The following HDLBP variants were observed in gnomAD, a reference collection of about 807,000 sequenced individuals.
The protein encoded by HDLBP is vigilin.
Under a neutral mutation model 137.3 loss-of-function variants are expected in HDLBP, and 30 were observed. That is an observed-to-expected ratio of 0.22 (90% CI 0.16 to 0.30). The LOEUF is 0.30. Among genes scored for constraint, HDLBP ranks in the 10% least tolerant of loss-of-function variants. HDLBP has a pLI of 1.00. For missense variants in HDLBP, 1,119 were observed against 1,667.3 expected, an observed-to-expected ratio of 0.67 and a Z score of 5.73; for synonymous variants, 606 against 596.0, an observed-to-expected ratio of 1.02 and a Z score of -0.24.
rs760042773 is a variant in HDLBP, at chr2:241,229,797, C to T, written c.3720+36G>A. On this transcript the variant is annotated intron_variant, in intron 27 of 27. Transcript: ENST00000310931. ...CCAAGCCCGCCTGCCCGCCCACCCT[C>T]CCTGGGACCCAGGAGGGCAGAAGCC... 1.0e-5 allele frequency: 16 copies of T among 1,556,248 alleles called. No individual in the cohort carries two copies. The South Asian group carries it at 1.5e-4, about 15-fold the overall frequency.
At chr2:241,307,459 GT>G (rs2075619651) in intron 1 of HDLBP, among the ~76,000 whole-genome samples, 1 of 152,124 alleles carries the variant, frequency 6.6e-6, no homozygotes, top group African/African-American at 2.4e-5. Flanking sequence ...ACGAATAATG[GT>G]TTAATTAACA....
chr2:241,284,434 G>A (rs2074729524), intron 1 of HDLBP, among the ~76,000 whole-genome samples: 1 of 152,206 alleles, frequency 6.6e-6, no homozygotes, highest in East Asian at 1.9e-4. Context: ...ATGATAAAAC[G>A]TGAACAGATG....
chr2:241,297,279 C>G (rs946630323), intron 1 of HDLBP, among the ~76,000 whole-genome samples: 12 of 152,034 alleles, frequency 7.9e-5, no homozygotes, highest in African/African-American at 2.9e-4. Flanking sequence ...GCAGGAAGGT[C>G]AACAAGAGGA....
chr2:241,255,932 C>A (rs74664422), intron 7 of HDLBP, among the ~76,000 whole-genome samples: 1 of 152,190 alleles, frequency 6.6e-6, no homozygotes, highest in Non-Finnish European at 1.5e-5. Context: ...GCATCTGACC[C>A]GGGGCAGCCC....
chr2:241,236,657 A>G lies in HDLBP; in HGVS notation c.2862T>C (p.Ser954=). ...CAGCCTCACACTTTTCTTTCCGGCC[A>G]GAGATGATGATGATGTCACACCTCC... is the stretch of plus-strand genomic sequence containing the variant. ...SPRRCDIIII[S]GRKEKCEAAK... is the part of the protein sequence containing the mutation. Residue 954 remains serine (S), a synonymous_variant, in exon 21 of 28, where the codon TCT becomes TCC. Transcript: ENST00000310931. The G allele has an allele frequency of 1.9e-6, 3 of 1,614,110 alleles. No individual in the cohort carries two copies. Among genetic ancestry groups the G allele is most frequent in the Non-Finnish European group, 2.5e-6 (3 of 1,179,990 alleles).
chr2:241,308,009 C>A (rs1300674410), intron 1 of HDLBP, among the ~76,000 whole-genome samples: 1 of 152,074 alleles, frequency 6.6e-6, no homozygotes, highest in Non-Finnish European at 1.5e-5. Context: ...TAGATATTGC[C>A]AAGGTAAAAC....
At chr2:241,280,736 T>C (rs369667818) in intron 1 of HDLBP, among the ~76,000 whole-genome samples, 3 of 152,210 alleles carry the variant, frequency 2.0e-5, no homozygotes, top group African/African-American at 4.8e-5. Flanking sequence ...CCTTGGCTAG[T>C]TGTTTAAGCT....
At chr2:241,241,944 T>C (rs891736180) in intron 17 of HDLBP, among the ~76,000 whole-genome samples, 1 of 152,128 alleles carries the variant, frequency 6.6e-6, no homozygotes, top group East Asian at 1.9e-4. Flanking sequence ...TTCCTACAAA[T>C]TGACAGGCTG....
In HDLBP at chr2:241,229,473, G is replaced by A; in HGVS notation, c.*128C>T. On this transcript the variant is annotated 3_prime_UTR_variant, in exon 28 of 28. Coordinates refer to ENST00000310931, the MANE Select transcript of HDLBP (RefSeq NM_005336.6). ...ACAGCCAGGCGCTAGGCTCCCTGCG[G>A]GACCTCGGGAAGGGGGAAGAGCGTC... 1.4e-6 allele frequency: 1 copy of A among 705,784 alleles called. No homozygotes were observed. Among genetic ancestry groups the A allele is most frequent in the South Asian group, 1.8e-5 (1 of 54,724 alleles). 43.7% of individuals were successfully genotyped at this position (705,784 alleles called of 1,614,324 possible). A position where few individuals can be genotyped will look rare whatever the true frequency, so the allele number is the denominator to read the frequency against.
chr2:241,247,652 A>ATGAC (rs1185126985), intron 14 of HDLBP, among the ~76,000 whole-genome samples: 1 of 152,200 alleles, frequency 6.6e-6, no homozygotes, highest in Non-Finnish European at 1.5e-5. Context: ...AAATCAGTAT[A>ATGAC]TGACTCCTCA....
chr2:241,239,376 CTT>C lies in HDLBP; in HGVS notation c.2610+224_2610+225del, dbSNP rs928760320. On this transcript the variant is annotated intron_variant, in intron 19 of 27. Coordinates refer to ENST00000310931, the MANE Select transcript of HDLBP (RefSeq NM_005336.6). The surrounding 1 kb of genome is among the most constrained non-coding windows in gnomAD (Gnocchi z 4.6). ...CCTCTCCTCTTCTCCTTCTCTCTCT[CTT>C]TTTTTTTTTAAGTGCTTCTCGCAGG... Among the ~76,000 whole-genome samples the C allele has an allele frequency of 6.8e-6, 1 of 147,742 alleles. No individual in the cohort carries two copies. The highest frequency in any genetic ancestry group is 1.5e-5 in the Non-Finnish European group (1 of 66,620).
intron 1 of HDLBP, among the ~76,000 whole-genome samples, chr2:241,294,502 C>T (rs1281749078): frequency 6.6e-6 from 1 of 151,958 alleles, no homozygotes. Context: ...GCTCTGCTGC[C>T]CAGGCTGCAG....
Position 241,246,628 on chromosome 2 carries a change from G to T in HDLBP, c.1950+124C>A, listed in dbSNP as rs1054694449. The stretch of plus-strand genomic sequence containing the variant: ...AACTCATCAGTAGCCTGGATTGAAA[G>T]GTGCAATCTTCCACATCAGCCTGCG... On this transcript the variant is annotated intron_variant, in intron 16 of 27. Coordinates refer to ENST00000310931, the MANE Select transcript of HDLBP (RefSeq NM_005336.6). 1.3e-5 allele frequency: 12 copies of T among 918,154 alleles called. No homozygotes were observed. The African/African-American group carries it at 1.7e-4, about 13-fold the overall frequency. 56.9% of individuals were successfully genotyped at this position (918,154 alleles called of 1,614,324 possible). A position where few individuals can be genotyped will look rare whatever the true frequency, so the allele number is the denominator to read the frequency against.
rs759268352 is a variant in HDLBP at position 241,233,784 on chromosome 2, C to A, written c.3288+36G>T. The A allele has an allele frequency of 1.9e-6, 3 of 1,612,962 alleles. No individual in the cohort carries two copies. Among genetic ancestry groups the A allele is most frequent in the Non-Finnish European group, 2.5e-6 (3 of 1,179,626 alleles). On this transcript the variant is annotated intron_variant, in intron 24 of 27. Transcript: ENST00000310931. This position sits in a 1 kb window ranked among gnomAD's most constrained non-coding sequence, Gnocchi z 4.3. Reference sequence around the variant, plus strand: ...AAGTCACAGGAAAGGTCAACAAGCACCTCTGCCCCCGACACGCTCCAACCG... The same window carrying A: ...AAGTCACAGGAAAGGTCAACAAGCAACTCTGCCCCCGACACGCTCCAACCG...
At chr2:241,277,684 G>A (rs1447779446) in intron 1 of HDLBP, among the ~76,000 whole-genome samples, 2 of 152,176 alleles carry the variant, frequency 1.3e-5, no homozygotes, top group African/African-American at 2.4e-5. Context: ...CAACAAGGCC[G>A]GGCGAGGTGG....
intron 1 of HDLBP, among the ~76,000 whole-genome samples, chr2:241,278,245 G>C (rs191590505): frequency 5.7e-4 from 86 of 152,110 alleles, no homozygotes; most frequent in Non-Finnish European, 1.1e-3. Flanking sequence ...AAAGTTACTC[G>C]CCACATTAAC....
intron 16 of HDLBP, chr2:241,246,519 A>G: frequency 2.1e-6 from 1 of 468,438 alleles, no homozygotes; most frequent in Non-Finnish European, 3.8e-6. Context: ...ATGTCTAATA[A>G]GACAAGTGCC....
At chr2:241,235,379 G>A (rs906323354) in intron 22 of HDLBP, 111 bp downstream of exon 22, 2 of 1,489,990 alleles carry the variant, frequency 1.3e-6, no homozygotes, top group African/African-American at 1.4e-5. Flanking sequence ...TCAGTGCCCA[G>A]TCCGAGCAGG....
chr2:241,285,514 G>A (rs1172630519), intron 1 of HDLBP, among the ~76,000 whole-genome samples: 2 of 152,208 alleles, frequency 1.3e-5, no homozygotes, highest in East Asian at 3.8e-4. Flanking sequence ...TTGATGTCAT[G>A]AGCAGAGTGC....
Sources: allele counts gnomAD v4.1 joint callset (sites outside exome capture counted in the v4.1 genomes callset), GRCh38; gene constraint gnomAD v4.1.1; non-coding constraint Gnocchi (gnomAD v3.1); transcripts MANE v1.5; gene names NCBI Gene and HGNC (gene_info 2026-07-23, HGNC 2026-07-21).